KIF13A: variants seen among roughly 807,000 people sequenced by gnomAD.
The protein encoded by KIF13A is kinesin family member 13A, also known as kinesin-like protein KIF13A.
A neutral mutation model predicts 212.2 loss-of-function variants in KIF13A; 79 were observed. That is an observed-to-expected ratio of 0.37 (90% confidence interval 0.31 to 0.45). The LOEUF (loss-of-function observed/expected upper bound fraction) is 0.45, where lower values mean the gene tolerates loss of function less well. KIF13A is among the 20% of genes least tolerant of loss of function. KIF13A has a pLI of 1.00. For synonymous variants in KIF13A, 789 were observed against 808.6 expected (o/e 0.98, Z 0.41); for missense variants, 1,901 against 2,209.0 (o/e 0.86, Z 2.79).
At position 17,899,414 on chromosome 6, in the gene KIF13A, C is replaced by T. The variant is rs1284663701; in HGVS notation, c.147-1234G>A. Among the ~76,000 whole-genome samples, 1 of 152,096 alleles carries T rather than the reference C, an allele frequency of 6.6e-6. No homozygotes were observed. The highest frequency in any genetic ancestry group is 1.5e-5 in the Non-Finnish European group (1 of 68,026). Reference sequence around the variant, plus strand: ...AGTAGATTTTCCAGGGCAGAGGGCACGGAAAGGTATAGGCAAAACAGCAGG... The same window carrying T: ...AGTAGATTTTCCAGGGCAGAGGGCATGGAAAGGTATAGGCAAAACAGCAGG... On this transcript the variant is annotated intron_variant, in intron 2 of 38. Coordinates refer to ENST00000259711, the MANE Select transcript of KIF13A (RefSeq NM_022113.6). The surrounding 1 kb of genome is among the most constrained non-coding windows in gnomAD (Gnocchi z 5.2).
At chr6:17,909,038 CG>C (rs775601159) in intron 2 of KIF13A, among the ~76,000 whole-genome samples, 2 of 152,100 alleles carry the variant, frequency 1.3e-5, no homozygotes, top group Non-Finnish European at 2.9e-5. Flanking sequence ...CATGAGGTGG[CG>C]TGGGTAATGC....
chr6:17,869,761 T>A (rs1476153297), intron 4 of KIF13A, among the ~76,000 whole-genome samples: 1 of 152,234 alleles, frequency 6.6e-6, no homozygotes, highest in Admixed American at 6.5e-5. Flanking sequence ...CACACAAAAC[T>A]TAAGAGCCCT....
Position 17,975,117 on chromosome 6 carries a change from G to A in KIF13A, c.146+11937C>T, listed in dbSNP as rs748286389. On this transcript the variant is annotated intron_variant, in intron 2 of 38. Transcript: ENST00000259711. ...CCAGAACTTTGAGAGAAAGAGGAGG[G>A]CAGATCATTTGAGGTCAGCAGTTTA... Among the ~76,000 whole-genome samples, 5 of 152,146 alleles carry A rather than the reference G, an allele frequency of 3.3e-5. No individual in the cohort carries two copies. In the South Asian group the frequency reaches 8.3e-4, roughly 25 times the overall value.
chr6:17,841,944 T>TACACAC (rs201316800), intron 9 of KIF13A, among the ~76,000 whole-genome samples: 4 of 151,676 alleles, frequency 2.6e-5, no homozygotes, highest in Non-Finnish European at 5.9e-5. Context: ...TTTGTGTGTC[T>TACACAC]ACATACACAC....
At chr6:17,977,223 C>T (rs947699968) in intron 2 of KIF13A, among the ~76,000 whole-genome samples, 1 of 151,580 alleles carries the variant, frequency 6.6e-6, no homozygotes, top group Non-Finnish European at 1.5e-5. Context: ...GATGCACATT[C>T]AAGTTTGAAT....
chr6:17,767,976 A>C (rs1483832292), intron 38 of KIF13A, among the ~76,000 whole-genome samples: 1 of 152,234 alleles, frequency 6.6e-6, no homozygotes, highest in African/African-American at 2.4e-5. Flanking sequence ...AGTGGGGAAA[A>C]TAACCCAAAA....
intron 16 of KIF13A, chr6:17,821,766 A>C: frequency 6.5e-7 from 1 of 1,535,070 alleles, no homozygotes; most frequent in Non-Finnish European, 8.7e-7. Flanking sequence ...CCCTCATGCC[A>C]ATGCCAATCA....
At chr6:17,981,426 CTTTTTTT>C (rs565958562) in intron 2 of KIF13A, among the ~76,000 whole-genome samples, 16 of 134,302 alleles carry the variant, frequency 1.2e-4, no homozygotes, top group Admixed American at 3.0e-4. Flanking sequence ...TTTCTTTTTT[CTTTTTTT>C]TTTTTTTTTT....
Position 17,816,899 on chromosome 6 carries a change from C to T in KIF13A, c.2000+121G>A, listed in dbSNP as rs1033414246. Reference sequence around the variant, plus strand: ...AAGGAAAAGCTAATTGGCAATATCACGTATGGGATTAAGAGTTCTCTTGTT... The same window carrying T: ...AAGGAAAAGCTAATTGGCAATATCATGTATGGGATTAAGAGTTCTCTTGTT... On this transcript the variant is annotated intron_variant, in intron 17 of 38. Coordinates refer to ENST00000259711, the MANE Select transcript of KIF13A (RefSeq NM_022113.6). This position sits in a 1 kb window ranked among gnomAD's most constrained non-coding sequence, Gnocchi z 4.3. 1.6e-5 allele frequency: 11 copies of T among 696,902 alleles called. No homozygotes were observed. In the South Asian group the frequency reaches 1.9e-4, roughly 12 times the overall value. The allele number at this position is 696,902 out of a possible 1,614,324, so 43.2% of individuals were successfully genotyped here.
rs372149088 is a variant in KIF13A, at chr6:17,849,513, G to A, written c.718-24C>T. The A allele has an allele frequency of 3.8e-6, 6 of 1,563,096 alleles. No homozygotes were observed. Among genetic ancestry groups the A allele is most frequent in the Non-Finnish European group, 5.3e-6 (6 of 1,138,270 alleles). On this transcript the variant is annotated intron_variant, in intron 8 of 38. Transcript: ENST00000259711. The surrounding 1 kb of genome is among the most constrained non-coding windows in gnomAD (Gnocchi z 5.7). ...TTCTAGTTATAGGAAACGAGAGAGAGAAGAAAAACTTATCAATAAAAACCA... is the reference window on the plus strand; with the variant it reads ...TTCTAGTTATAGGAAACGAGAGAGAAAAGAAAAACTTATCAATAAAAACCA...
intron 2 of KIF13A, among the ~76,000 whole-genome samples, chr6:17,916,383 C>T (rs374554308): frequency 5.1e-4 from 77 of 152,296 alleles, no homozygotes; most frequent in East Asian, 1.4e-3. Context: ...TTTCCTATAA[C>T]GCCTGTTACC....
chr6:17,845,974 C>T (rs1248768832), intron 9 of KIF13A, among the ~76,000 whole-genome samples: 5 of 148,380 alleles, frequency 3.4e-5, no homozygotes, highest in African/African-American at 7.4e-5. Flanking sequence ...TCCAAAGAAA[C>T]GTTAAGTGGG....
Position 17,860,429 on chromosome 6 carries a change from T to A in KIF13A, c.221-4307A>T, listed in dbSNP as rs145282351. Among the ~76,000 whole-genome samples the A allele has an allele frequency of 6.9e-3, 1,053 of 152,248 alleles. 15 individuals are homozygous for A. Among genetic ancestry groups the A allele is most frequent in the African/African-American group, 0.024 (990 of 41,546 alleles). On this transcript the variant is annotated intron_variant, in intron 4 of 38. Coordinates refer to ENST00000259711, the MANE Select transcript of KIF13A (RefSeq NM_022113.6). ...GTCTCGAACTCCTGACCCTAGGTGA[T>A]CTGCCTGCCTTGGCCTCCCAAAGTG...
intron 2 of KIF13A, among the ~76,000 whole-genome samples, chr6:17,966,226 T>C (rs896577969): frequency 1.3e-5 from 2 of 152,032 alleles, no homozygotes; most frequent in African/African-American, 4.8e-5. Context: ...AAAATGAAAA[T>C]TGTCAAAGTC....
chr6:17,935,417 T>A (rs1776370107), intron 2 of KIF13A, among the ~76,000 whole-genome samples: 1 of 151,800 alleles, frequency 6.6e-6, no homozygotes, highest in South Asian at 2.1e-4. Context: ...CCTGTTGGAG[T>A]GGCTCAGTTC....
intron 4 of KIF13A, among the ~76,000 whole-genome samples, chr6:17,862,460 G>A (rs1768890979): frequency 6.6e-6 from 1 of 151,904 alleles, no homozygotes; most frequent in Non-Finnish European, 1.5e-5. Flanking sequence ...TCCTTCAGAT[G>A]GCTCCTTCAT....
chr6:17,775,116 T>G (rs1581874968), intron 34 of KIF13A, 54 bp from the exon 35 acceptor site: 2 of 1,345,518 alleles, frequency 1.5e-6, no homozygotes, highest in East Asian at 2.5e-5. Flanking sequence ...ATATAAGGGG[T>G]TTTTTTTATA....
In KIF13A at chr6:17,809,734, C is replaced by G. The variant is rs764249295; in HGVS notation, c.2001-804G>C. ...TGGATTTCACATTTGAATCTGGGTT[C>G]TAAAGTCACTCCATCTAGCAATTGC... On this transcript the variant is annotated intron_variant, in intron 17 of 38. Transcript: ENST00000259711. The surrounding 1 kb of genome is among the most constrained non-coding windows in gnomAD (Gnocchi z 4.7). 7.9e-5 allele frequency among the ~76,000 whole-genome samples: 12 copies of G among 152,168 alleles called. No individual in the cohort carries two copies. Among genetic ancestry groups the G allele is most frequent in the Non-Finnish European group, 1.3e-4 (9 of 68,028 alleles).
chr6:17,802,605 T>C (rs1466506790), intron 20 of KIF13A, among the ~76,000 whole-genome samples: 2 of 152,022 alleles, frequency 1.3e-5, no homozygotes, highest in Non-Finnish European at 2.9e-5. Flanking sequence ...TTTTTTTTTC[T>C]TTTTAATGCT....
Sources: gnomAD v4.1 joint callset for allele counts (sites outside exome capture counted in the v4.1 genomes callset) on GRCh38, gnomAD v4.1.1 for gene constraint, Gnocchi (gnomAD v3.1) non-coding constraint, MANE v1.5 for transcripts, NCBI Gene and HGNC (gene_info 2026-07-23, HGNC 2026-07-21) for gene names.